The following IL1RAPL1 variants were observed in gnomAD, a reference collection of about 807,000 sequenced individuals.
IL1RAPL1 encodes interleukin-1 receptor accessory protein-like 1.
IL1RAPL1 carries 3 observed loss-of-function variants against 48.4 expected under a neutral mutation model. The ratio of observed to expected loss-of-function variants is 0.06; its 90% CI spans 0.03 to 0.16. The LOEUF (loss-of-function observed/expected upper bound fraction) is 0.16, where lower values mean the gene tolerates loss of function less well. Among genes scored for constraint, IL1RAPL1 ranks in the 10% least tolerant of loss-of-function variants. IL1RAPL1 has a pLI of 1.00. For synonymous variants in IL1RAPL1, 185 were observed against 187.7 expected (o/e 0.99, Z 0.12); for missense variants, 349 against 530.6 (o/e 0.66, Z 3.36).
chrX:29,149,931 G>C (rs1330244699), intron 2 of IL1RAPL1, among the ~76,000 whole-genome samples: 2 of 111,711 alleles, frequency 1.8e-5, no homozygotes, highest in East Asian at 2.8e-4. Flanking sequence ...TTTGAGGTCA[G>C]AAGACCTCTT....
intron 5 of IL1RAPL1, among the ~76,000 whole-genome samples, chrX:29,662,572 A>C (rs765983972): frequency 8.3e-4 from 93 of 112,201 alleles, no homozygotes; most frequent in African/African-American, 2.8e-3. Flanking sequence ...AAATATTTTA[A>C]AAATATTTTT....
At chrX:29,908,074 G>GTATATATAA (rs1932678507) in intron 6 of IL1RAPL1, among the ~76,000 whole-genome samples, 1 of 110,435 alleles carries the variant, frequency 9.1e-6, no homozygotes, top group Non-Finnish European at 1.9e-5. Flanking sequence ...TAAATTTATT[G>GTATATATAA]CTACAAATCA....
At chrX:29,130,340 A>G (rs1404753830) in intron 2 of IL1RAPL1, among the ~76,000 whole-genome samples, 1 of 112,224 alleles carries the variant, frequency 8.9e-6, no homozygotes, top group East Asian at 2.8e-4. Context: ...TTGGCTTCTT[A>G]AAAATTCTTG....
At chrX:29,249,020 A>G (rs1055779155) in intron 2 of IL1RAPL1, among the ~76,000 whole-genome samples, 1 of 111,595 alleles carries the variant, frequency 9.0e-6, no homozygotes, top group Non-Finnish European at 1.9e-5. Context: ...GTATCATTAA[A>G]TGAAAAAGTA....
At position 29,480,285 on chromosome X, in the gene IL1RAPL1, CATATACATATATATATAT is replaced by C. The variant is rs1250751783; in HGVS notation, c.703+80983_703+81000del. Reference sequence around the variant, plus strand: ...GAAGCATGATATATGTATACACACACATATACATATATATATATATATATATATATATGCATACCTTTG... The same window carrying C: ...GAAGCATGATATATGTATACACACACATATATATATATATGCATACCTTTG... On this transcript the variant is annotated intron_variant, in intron 5 of 10. Transcript: ENST00000378993. Among the ~76,000 whole-genome samples, 152 of 56,699 alleles carry C rather than the reference CATATACATATATATATAT, an allele frequency of 2.7e-3. 3 individuals are homozygous for C. The highest frequency in any genetic ancestry group is 7.9e-3 in the African/African-American group (76 of 9,677). The allele number at this position is 56,699 out of a possible 115,157, so 49.2% of individuals were successfully genotyped here.
At chrX:28,735,622 A>T (rs1935812462) in intron 1 of IL1RAPL1, among the ~76,000 whole-genome samples, 1 of 109,085 alleles carries the variant, frequency 9.2e-6, no homozygotes, top group Admixed American at 1.0e-4. Context: ...TTAAAAAAAA[A>T]TTAGCTGGGT....
At chrX:28,718,591 G>A (rs778335846) in intron 1 of IL1RAPL1, among the ~76,000 whole-genome samples, 4 of 111,557 alleles carry the variant, frequency 3.6e-5, no homozygotes, top group Non-Finnish European at 7.6e-5. Context: ...GAAACCTTTT[G>A]CCATGAAGAA....
At chrX:29,748,432 T>A (rs1928384825) in intron 6 of IL1RAPL1, among the ~76,000 whole-genome samples, 1 of 112,724 alleles carries the variant, frequency 8.9e-6, no homozygotes. Context: ...ATGCCATTAA[T>A]TTTTCTTTGG....
chrX:29,550,781 A>G (rs1413022738), intron 5 of IL1RAPL1, among the ~76,000 whole-genome samples: 1 of 112,228 alleles, frequency 8.9e-6, no homozygotes, highest in African/African-American at 3.2e-5. Flanking sequence ...AAACAAGAAA[A>G]GTGCACAGAT....
chrX:29,864,509 G>A (rs1012082464), intron 6 of IL1RAPL1, among the ~76,000 whole-genome samples: 1 of 111,920 alleles, frequency 8.9e-6, no homozygotes, highest in Non-Finnish European at 1.9e-5. Flanking sequence ...TCAGAAATGA[G>A]TTTCCATTGG....
At chrX:28,752,347 G>A (rs1485082914) in intron 1 of IL1RAPL1, among the ~76,000 whole-genome samples, 5 of 111,589 alleles carry the variant, frequency 4.5e-5, no homozygotes, top group African/African-American at 1.3e-4. Flanking sequence ...ACAAAAAGAC[G>A]AGCTGCTCTA....
intron 5 of IL1RAPL1, among the ~76,000 whole-genome samples, chrX:29,508,515 T>C (rs1935360142): frequency 8.9e-6 from 1 of 112,044 alleles, no homozygotes; most frequent in African/African-American, 3.2e-5. Context: ...AATTGCATAT[T>C]TGGTTCCAAG....
intron 5 of IL1RAPL1, among the ~76,000 whole-genome samples, chrX:29,509,815 A>T (rs1194487578): frequency 8.9e-6 from 1 of 112,474 alleles, no homozygotes; most frequent in Non-Finnish European, 1.9e-5. Context: ...TAATTCCGCT[A>T]GGTTAATTTT....
At chrX:29,940,009 C>T (rs1432689913) in intron 8 of IL1RAPL1, among the ~76,000 whole-genome samples, 2 of 109,711 alleles carry the variant, frequency 1.8e-5, no homozygotes, top group South Asian at 8.0e-4. Context: ...ATTACAGGTG[C>T]CTGCCACCAT....
In IL1RAPL1 at chrX:29,556,037, A is replaced by G. The variant is rs1005741331; in HGVS notation, c.704-112393A>G. ...GTTCACACTCTGCCTTAGCCACAGA[A>G]GTGGAAAGCCTTTCCTTTCCTGGTA... On this transcript the variant is annotated intron_variant, in intron 5 of 10. Coordinates refer to ENST00000378993, the MANE Select transcript of IL1RAPL1 (RefSeq NM_014271.4). Among the ~76,000 whole-genome samples, 16 of 111,823 alleles carry G rather than the reference A, an allele frequency of 1.4e-4. No individual in the cohort carries two copies. In the Admixed American group the frequency reaches 1.5e-3, roughly 11 times the overall value.
chrX:29,677,436 T>C (rs1340549110), intron 6 of IL1RAPL1, among the ~76,000 whole-genome samples: 1 of 112,109 alleles, frequency 8.9e-6, no homozygotes, highest in Non-Finnish European at 1.9e-5. Context: ...TCCCCCATTC[T>C]CTTTTAAGCA....
chrX:28,648,300 T>C (rs1336574195), intron 1 of IL1RAPL1, among the ~76,000 whole-genome samples: 1 of 111,914 alleles, frequency 8.9e-6, no homozygotes, highest in Non-Finnish European at 1.9e-5. Flanking sequence ...AATTATGGTC[T>C]TTTAAGCCTG....
chrX:29,746,924 C>G (rs760502628), intron 6 of IL1RAPL1, among the ~76,000 whole-genome samples: 7 of 112,424 alleles, frequency 6.2e-5, no homozygotes, highest in Non-Finnish European at 9.4e-5. Flanking sequence ...TCATTCTTTA[C>G]TAATCATGAA....
At chrX:29,445,319 G>A (rs1301561307) in intron 5 of IL1RAPL1, among the ~76,000 whole-genome samples, 2 of 111,955 alleles carry the variant, frequency 1.8e-5, no homozygotes, top group Admixed American at 9.5e-5. Flanking sequence ...AGGCTTAATA[G>A]TCTCAAAAAG....
Sources: allele counts gnomAD v4.1 joint callset (sites outside exome capture counted in the v4.1 genomes callset), GRCh38; gene constraint gnomAD v4.1.1; transcripts MANE v1.5; gene names NCBI Gene and HGNC (gene_info 2026-07-23, HGNC 2026-07-21).